Variants in OPHN1 observed in about 807,000 individuals in gnomAD.
OPHN1 encodes the protein oligophrenin-1.
A neutral mutation model predicts 60.7 loss-of-function variants in OPHN1; 11 were observed. The ratio of observed to expected loss-of-function variants is 0.18; its 90% confidence interval spans 0.11 to 0.30. The LOEUF (loss-of-function observed/expected upper bound fraction) is 0.30. OPHN1 is among the 10% of genes least tolerant of loss of function. The probability of loss-of-function intolerance (pLI) is 1.00; values close to 1 mark genes in which losing one functional copy is unlikely to be tolerated. For synonymous variants in OPHN1, 226 were observed against 222.6 expected (o/e 1.02, Z -0.14); for missense variants, 449 against 611.0 (o/e 0.73, Z 2.80).
intron 3 of OPHN1, among the ~76,000 whole-genome samples, chrX:68,296,161 C>T (rs1270200017): frequency 9.0e-6 from 1 of 111,421 alleles, no homozygotes. Context: ...CACCACAATT[C>T]CCAGCTTTCA....
chrX:68,063,610 G>A (rs947420572), intron 21 of OPHN1, among the ~76,000 whole-genome samples: 1 of 111,943 alleles, frequency 8.9e-6, no homozygotes, highest in Non-Finnish European at 1.9e-5. Flanking sequence ...AATTAGTACA[G>A]TGCCAGGCAC....
At chrX:68,401,385 C>T (rs904562495) in intron 2 of OPHN1, among the ~76,000 whole-genome samples, 21 of 111,841 alleles carry the variant, frequency 1.9e-4, no homozygotes, top group African/African-American at 6.8e-4. Flanking sequence ...AGATAGACTA[C>T]CAGGATTACA....
chrX:68,128,289 A>G (rs1350478422), intron 15 of OPHN1, among the ~76,000 whole-genome samples: 1 of 111,032 alleles, frequency 9.0e-6, no homozygotes, highest in Non-Finnish European at 1.9e-5. Context: ...TCCTGGGCTC[A>G]GGCGATCCTC....
At chrX:68,169,622 C>A (rs1473984680) in intron 15 of OPHN1, among the ~76,000 whole-genome samples, 10 of 107,203 alleles carry the variant, frequency 9.3e-5, no homozygotes, top group African/African-American at 3.1e-4. Flanking sequence ...TCAGAAATAA[C>A]GCCACATATC....
intron 2 of OPHN1, among the ~76,000 whole-genome samples, chrX:68,409,714 G>A (rs2078760419): frequency 8.9e-6 from 1 of 112,124 alleles, no homozygotes; most frequent in South Asian, 3.7e-4. Flanking sequence ...GTAAGGATAT[G>A]TGAATACACT....
Position 68,063,209 on chromosome X carries a change from C to CA in OPHN1, c.2158+644dup, listed in dbSNP as rs1025753742. On this transcript the variant is annotated intron_variant, in intron 21 of 24. Coordinates refer to ENST00000355520, the MANE Select transcript of OPHN1 (RefSeq NM_002547.3). ...TTCCAAATTAAAAAAAACAAACAAA[C>CA]AAAAAAAAAAACAGGAATAATACAT... 4.8e-3 allele frequency among the ~76,000 whole-genome samples: 494 copies of CA among 102,518 alleles called. 3 individuals are homozygous for CA. The highest frequency in any genetic ancestry group is 0.013 in the East Asian group (42 of 3,301). The allele number at this position is 102,518 out of a possible 115,157, so 89.0% of individuals were successfully genotyped here.
chrX:68,342,933 C>A (rs1286224202), intron 2 of OPHN1, among the ~76,000 whole-genome samples: 1 of 110,340 alleles, frequency 9.1e-6, no homozygotes, highest in Non-Finnish European at 1.9e-5. Flanking sequence ...AGAGTGAGAT[C>A]TGTCACGAAG....
intron 15 of OPHN1, among the ~76,000 whole-genome samples, chrX:68,156,304 TAA>T (rs375927931): frequency 1.5e-5 from 1 of 65,763 alleles, no homozygotes. Flanking sequence ...AAGGAAGAGG[TAA>T]AAAAAAAAAA....
intron 7 of OPHN1, among the ~76,000 whole-genome samples, chrX:68,213,138 G>A (rs2077592251): frequency 8.9e-6 from 1 of 112,245 alleles, no homozygotes; most frequent in Non-Finnish European, 1.9e-5. Context: ...GGAAGCCAAG[G>A]CAGGGGGATC....
chrX:68,070,800 A>G (rs2076930921), intron 20 of OPHN1: 6 of 1,163,575 alleles, frequency 5.2e-6, no homozygotes, highest in South Asian at 1.8e-5. Flanking sequence ...TGACAGTCTC[A>G]GCATACTTCT....
At chrX:68,245,928 C>G (rs1421344640) in intron 5 of OPHN1, among the ~76,000 whole-genome samples, 1 of 111,687 alleles carries the variant, frequency 9.0e-6, no homozygotes, top group Non-Finnish European at 1.9e-5. Flanking sequence ...CTCAGCCTCC[C>G]GAGTAGCTGG....
At chrX:68,356,431 G>C (rs1173491585) in intron 2 of OPHN1, among the ~76,000 whole-genome samples, 1 of 95,003 alleles carries the variant, frequency 1.1e-5, no homozygotes, top group East Asian at 3.1e-4. Context: ...TTTTTTTTTT[G>C]AGACAGGGTC....
Position 68,388,459 on chromosome X carries a change from CA to C in OPHN1, c.154+44407del, listed in dbSNP as rs779652561. On this transcript the variant is annotated intron_variant, in intron 2 of 24. Transcript: ENST00000355520. ...TGGGTGATAGAGGGAGACTCTGTCT[CA>C]AAAAAAAAAAAAAAGAAGTTTGGTA... Among the ~76,000 whole-genome samples, 513 of 60,626 alleles carry C rather than the reference CA, an allele frequency of 8.5e-3. 4 individuals carry two copies. The highest frequency in any genetic ancestry group is 0.056 in the South Asian group (78 of 1,386). 52.6% of individuals were successfully genotyped at this position (60,626 alleles called of 115,157 possible).
intron 19 of OPHN1, among the ~76,000 whole-genome samples, chrX:68,087,025 G>A (rs2076998386): frequency 8.9e-6 from 1 of 112,166 alleles, no homozygotes; most frequent in Non-Finnish European, 1.9e-5. Context: ...AACTCCTCGG[G>A]TAGAAACAGT....
In OPHN1 at chrX:68,064,159, G is replaced by A; in HGVS notation, c.1853C>T (p.Thr618Ile). Reference protein sequence around the residue: ...DESEDEIQHQTPNGTITSSIE... With the variant: ...DESEDEIQHQIPNGTITSSIE... ...GCTGCTGGTGATAGTACCATTCGGT[G>A]TTTGATGTTGGATTTCATCTAGGAA... The change falls in exon 21 of 25, where the codon ACA becomes ATA. Residue 618 changes from threonine (T) to isoleucine (I), a missense_variant. Around this residue, in one of 4 missense-constraint regions of OPHN1, gnomAD observed 184 missense variants for 160.5 expected, o/e 1.15. Coordinates refer to ENST00000355520, the MANE Select transcript of OPHN1 (RefSeq NM_002547.3). The A allele has an allele frequency of 8.3e-7, 1 of 1,211,270 alleles. No individual in the cohort carries two copies. The highest frequency in any genetic ancestry group is 1.1e-6 in the Non-Finnish European group (1 of 895,201).
intron 2 of OPHN1, among the ~76,000 whole-genome samples, chrX:68,312,393 G>A (rs752523791): frequency 1.9e-5 from 2 of 107,648 alleles, no homozygotes; most frequent in Non-Finnish European, 3.8e-5. Flanking sequence ...CTGTGCTCCC[G>A]GCCAATAACT....
At chrX:68,207,693 T>C (rs896282295) in intron 9 of OPHN1, among the ~76,000 whole-genome samples, 2 of 111,334 alleles carry the variant, frequency 1.8e-5, no homozygotes, top group Non-Finnish European at 3.8e-5. Context: ...ATGCCCTTGA[T>C]AACATGATCA....
intron 2 of OPHN1, among the ~76,000 whole-genome samples, chrX:68,317,514 AGAG>A (rs2078210847): frequency 1.5e-5 from 1 of 66,871 alleles, no homozygotes; most frequent in African/African-American, 8.9e-5. Flanking sequence ...AGGGAAAGAG[AGAG>A]AGAAAGAAAG....
chrX:68,361,863 C>T lies in OPHN1; in HGVS notation c.155-62767G>A, dbSNP rs73634116. Among the ~76,000 whole-genome samples the T allele has an allele frequency of 8.4e-3, 942 of 112,093 alleles. 9 individuals are homozygous for T. The highest frequency in any genetic ancestry group is 0.029 in the African/African-American group (900 of 30,937). On this transcript the variant is annotated intron_variant, in intron 2 of 24. Transcript: ENST00000355520. ...CCCACAAAGTGTACACACTTATCCA[C>T]ATCTTCACCAACACTTATCTCTTTC...
Sources: allele counts gnomAD v4.1 joint callset (sites outside exome capture counted in the v4.1 genomes callset), GRCh38; gene constraint gnomAD v4.1.1; regional missense constraint gnomAD v4.1.1; transcripts MANE v1.5; gene names NCBI Gene and HGNC (gene_info 2026-07-23, HGNC 2026-07-21).